The following DMD variants were observed in gnomAD, a reference collection of about 807,000 sequenced individuals.
The protein encoded by DMD is mutant dystrophin.
DMD carries 63 observed loss-of-function variants against 330.1 expected under a neutral mutation model. That is an observed-to-expected ratio of 0.19 (90% confidence interval 0.16 to 0.24). The LOEUF (loss-of-function observed/expected upper bound fraction) is 0.24, where lower values mean the gene tolerates loss of function less well. Among genes scored for constraint, DMD ranks in the 10% least tolerant of loss-of-function variants. The pLI is 1.00. For synonymous variants in DMD, 1,223 were observed against 959.8 expected (o/e 1.27, Z -5.07); for missense variants, 3,344 against 2,684.1 (o/e 1.25, Z -5.43).
At chrX:31,334,123 G>A (rs1021125453) in intron 61 of DMD, among the ~76,000 whole-genome samples, 30 of 111,680 alleles carry the variant, frequency 2.7e-4, no homozygotes, top group Non-Finnish European at 5.5e-4. Flanking sequence ...CAGTAGAGAC[G>A]GGGTTTCACC....
intron 47 of DMD, among the ~76,000 whole-genome samples, chrX:31,881,033 AG>A (rs2094054848): frequency 9.0e-6 from 1 of 111,462 alleles, no homozygotes; most frequent in African/African-American, 3.3e-5. Flanking sequence ...TGACCCATGT[AG>A]GCCTAGGCTC....
intron 50 of DMD, among the ~76,000 whole-genome samples, chrX:31,815,857 C>T (rs750192629): frequency 9.0e-6 from 1 of 111,714 alleles, no homozygotes; most frequent in East Asian, 2.8e-4. Context: ...GTAGCTTCCA[C>T]CCGCCCTCTC....
At chrX:32,865,975 T>C (rs1308383449) in intron 2 of DMD, among the ~76,000 whole-genome samples, 1 of 112,307 alleles carries the variant, frequency 8.9e-6, no homozygotes, top group Non-Finnish European at 1.9e-5. Flanking sequence ...GGGTTGGCAT[T>C]TGACTCATTT....
At chrX:31,398,229 A>G (rs2704905) in intron 60 of DMD, among the ~76,000 whole-genome samples, 31,898 of 111,223 alleles carry the variant, frequency 0.29, 3,596 homozygotes, top group African/African-American at 0.42. Context: ...ACAGAATCTG[A>G]CAGAATTGCA....
Position 32,645,040 on chromosome X carries a change from G to C in DMD, c.1073C>G (p.Ala358Gly). 8.3e-7 allele frequency: 1 copy of C among 1,211,416 alleles called. No individual in the cohort carries two copies. The highest frequency in any genetic ancestry group is 1.1e-6 in the Non-Finnish European group (1 of 895,377). ...LEEVLSWLLS[A>G]EDTLQAQGEI... ...TCCTTGTGCTTGCAATGTGTCCTCA[G>C]CAGAAAGAAGCCACGATAATACTTC... The change falls in exon 10 of 79, where the codon GCT becomes GGT. Residue 358 changes from alanine to glycine, a missense_variant. Physicochemically the swap from Ala to Gly is moderately conservative, Grantham distance 60. Coordinates refer to ENST00000357033, the MANE Select transcript of DMD (RefSeq NM_004006.3).
intron 34 of DMD, among the ~76,000 whole-genome samples, chrX:32,367,121 A>G (rs1262306380): frequency 8.9e-6 from 1 of 112,054 alleles, no homozygotes; most frequent in Non-Finnish European, 1.9e-5. Context: ...GAAGTCTCTC[A>G]TTTGGGTAGA....
intron 48 of DMD, among the ~76,000 whole-genome samples, chrX:31,843,608 T>C (rs1368474586): frequency 8.9e-6 from 1 of 111,847 alleles, no homozygotes; most frequent in African/African-American, 3.3e-5. Context: ...TTATGGATAT[T>C]AGATCTTTGT....
chrX:32,036,433 C>G (rs1247652847), intron 44 of DMD, among the ~76,000 whole-genome samples: 1 of 111,546 alleles, frequency 9.0e-6, no homozygotes, highest in East Asian at 2.8e-4. Flanking sequence ...ACGTATTTAA[C>G]AACAAAACTT....
At chrX:32,442,900 G>C (rs906689991) in intron 27 of DMD, among the ~76,000 whole-genome samples, 1 of 110,634 alleles carries the variant, frequency 9.0e-6, no homozygotes, top group Non-Finnish European at 1.9e-5. Flanking sequence ...CTATATTATA[G>C]TTTACCATTA....
chrX:32,179,154 G>A (rs980012989), intron 44 of DMD, among the ~76,000 whole-genome samples: 1 of 111,027 alleles, frequency 9.0e-6, no homozygotes, highest in Non-Finnish European at 1.9e-5. Flanking sequence ...CAAGCCAGGC[G>A]CTACATCTAC....
intron 49 of DMD, among the ~76,000 whole-genome samples, chrX:31,821,486 G>A (rs111425900): frequency 0.12 from 13,280 of 111,200 alleles, 577 homozygotes; most frequent in Admixed American, 0.18. Context: ...ATCCTCTTGC[G>A]AAACCCGAGC....
At chrX:33,134,324 A>C (rs183178775) in intron 1 of DMD, among the ~76,000 whole-genome samples, 46 of 111,843 alleles carry the variant, frequency 4.1e-4, no homozygotes, top group African/African-American at 1.4e-3. Context: ...TCTGGCAACA[A>C]AACCCATCAA....
intron 55 of DMD, among the ~76,000 whole-genome samples, chrX:31,575,175 C>G (rs1461455138): frequency 8.9e-6 from 1 of 111,767 alleles, no homozygotes; most frequent in Non-Finnish European, 1.9e-5. Context: ...TTTAAAAAGT[C>G]TGCTCTGTTC....
intron 60 of DMD, among the ~76,000 whole-genome samples, chrX:31,404,238 TC>T (rs1169023632): frequency 9.0e-6 from 1 of 111,435 alleles, no homozygotes; most frequent in Non-Finnish European, 1.9e-5. Flanking sequence ...ATATGATTTT[TC>T]AATTTTTTCA....
chrX:31,272,337 C>T (rs895423650), intron 62 of DMD, among the ~76,000 whole-genome samples: 2 of 112,011 alleles, frequency 1.8e-5, no homozygotes, highest in Admixed American at 9.5e-5. Context: ...CCAGCTATAG[C>T]GATAACCCAT....
In DMD at chrX:33,080,672, C is replaced by A. The variant is rs376528403; in HGVS notation, c.32-60472G>T. On this transcript the variant is annotated intron_variant, in intron 1 of 78. Coordinates refer to ENST00000357033, the MANE Select transcript of DMD (RefSeq NM_004006.3). Reference sequence around the variant, plus strand: ...CTAGGGGCATAGCTCTCCACGTGTCCCCAGGCCTCATCTATAATATAATGC... The same window carrying A: ...CTAGGGGCATAGCTCTCCACGTGTCACCAGGCCTCATCTATAATATAATGC... Among the ~76,000 whole-genome samples the A allele has an allele frequency of 4.5e-5, 5 of 110,940 alleles. No individual in the cohort carries two copies. The East Asian group carries it at 1.4e-3, about 31-fold the overall frequency.
At chrX:32,053,801 A>G (rs763221151) in intron 44 of DMD, among the ~76,000 whole-genome samples, 48 of 111,612 alleles carry the variant, frequency 4.3e-4, no homozygotes, top group Non-Finnish European at 8.3e-4. Context: ...TGCTTTGTTC[A>G]TAAATCACAT....
intron 2 of DMD, among the ~76,000 whole-genome samples, chrX:32,876,557 A>G (rs182414595): frequency 1.8e-5 from 2 of 111,288 alleles, no homozygotes; most frequent in African/African-American, 6.5e-5. Context: ...ACCAACTCCA[A>G]AAAAAGTCCC....
intron 7 of DMD, among the ~76,000 whole-genome samples, chrX:32,766,485 T>G (rs976170444): frequency 7.2e-5 from 8 of 111,711 alleles, no homozygotes; most frequent in African/African-American, 1.9e-4. Flanking sequence ...TTCCTTAATC[T>G]CCTTTTTGGA....
Sources: gnomAD v4.1 joint callset for allele counts (sites outside exome capture counted in the v4.1 genomes callset) on GRCh38, gnomAD v4.1.1 for gene constraint, MANE v1.5 for transcripts, NCBI Gene and HGNC (gene_info 2026-07-23, HGNC 2026-07-21) for gene names.